ASPSCR1: variants seen among roughly 807,000 people sequenced by gnomAD.
ASPSCR1 encodes ASPSCR1 tether for SLC2A4, UBX domain containing.
A neutral mutation model predicts 68.9 loss-of-function variants in ASPSCR1; 55 were observed. The ratio of observed to expected loss-of-function variants is 0.80; its 90% CI spans 0.64 to 1.00. ASPSCR1 has a LOEUF of 1.00. Among genes scored for constraint, ASPSCR1 ranks in the 50% least tolerant of loss-of-function variants. The pLI, the probability that ASPSCR1 is intolerant of heterozygous loss-of-function variation, is 0.00. For missense variants in ASPSCR1, 765 were observed against 762.2 expected, an observed-to-expected ratio of 1.00 and a Z score of -0.04; for synonymous variants, 352 against 332.6, an observed-to-expected ratio of 1.06 and a Z score of -0.63.
chr17:81,989,510 A>G (rs1031102140), intron 4 of ASPSCR1, among the ~76,000 whole-genome samples: 2 of 152,050 alleles, frequency 1.3e-5, no homozygotes, highest in African/African-American at 4.8e-5. Flanking sequence ...TTCTTCTTTC[A>G]TGTGTTTCGG....
chr17:81,993,744 A>C (rs1023782220), intron 4 of ASPSCR1, among the ~76,000 whole-genome samples: 2 of 152,252 alleles, frequency 1.3e-5, no homozygotes, highest in African/African-American at 4.8e-5. Context: ...TGCTGCAAGC[A>C]GTTTCCAGCC....
chr17:82,008,953 C>G, intron 7 of ASPSCR1, 84 bp from the exon 8 acceptor site: 3 of 1,413,852 alleles, frequency 2.1e-6, no homozygotes, highest in Non-Finnish European at 2.8e-6. Flanking sequence ...GTCTGTGTGA[C>G]CACCTCGGCT....
At chr17:81,991,229 G>A (rs1053715578) in intron 4 of ASPSCR1, among the ~76,000 whole-genome samples, 10 of 152,300 alleles carry the variant, frequency 6.6e-5, no homozygotes, top group African/African-American at 1.2e-4. Context: ...CTGTGCTGGC[G>A]TGGGCACCCC....
At position 82,016,829 on chromosome 17, in the gene ASPSCR1, C is replaced by T; in HGVS notation, c.1435C>T (p.His479Tyr). The change falls in exon 14 of 16, where the codon CAT becomes TAT. Residue 479 changes from histidine to tyrosine, a missense_variant. Coordinates refer to ENST00000306739, the MANE Select transcript of ASPSCR1 (RefSeq NM_024083.4). ...GVYLEPGLLE[H>Y]AISPSAADVL... Reference sequence around the variant, plus strand: ...CTACCTGGAGCCTGGCCTGCTGGAGCATGCCATCTCCCCATCTGCGGCCGA... The same window carrying T: ...CTACCTGGAGCCTGGCCTGCTGGAGTATGCCATCTCCCCATCTGCGGCCGA... 1 of 1,611,500 alleles carries T rather than the reference C, an allele frequency of 6.2e-7. No individual in the cohort carries two copies.
rs774213125 is a variant in ASPSCR1, at chr17:82,010,821, T to G, written c.1190T>G (p.Phe397Cys). Residue 397 changes from phenylalanine (F) to cysteine (C), a missense_variant, in exon 10 of 16, where the codon TTC (phenylalanine) becomes TGC (cysteine). By Grantham distance (205) the Phe-to-Cys change is radical. Transcript: ENST00000306739. ...GCCTAGGTGGCTCTGAGGGTCCTGTTCCCCGACCGCTACGTCCTACAGGGC... is the reference window on the plus strand; with the variant it reads ...GCCTAGGTGGCTCTGAGGGTCCTGTGCCCCGACCGCTACGTCCTACAGGGC... Reference protein sequence around the residue: ...RYPKVALRVLFPDRYVLQGFF... With the variant: ...RYPKVALRVLCPDRYVLQGFF... 2 of 1,613,166 alleles carry G rather than the reference T, an allele frequency of 1.2e-6. No homozygotes were observed. The highest frequency in any genetic ancestry group is 1.7e-6 in the Non-Finnish European group (2 of 1,179,890).
chr17:81,985,085 TAC>T (rs2144007650), intron 3 of ASPSCR1, among the ~76,000 whole-genome samples: 1 of 96,514 alleles, frequency 1.0e-5, no homozygotes, highest in African/African-American at 4.0e-5. Context: ...CACACACACC[TAC>T]ACATCTGCGC....
rs138190996 is a variant in ASPSCR1, at chr17:81,979,578, C to T, written c.158+339C>T. Among the ~76,000 whole-genome samples the T allele has an allele frequency of 3.3e-4, 51 of 152,282 alleles. No homozygotes were observed. The East Asian group carries it at 7.7e-3, about 23-fold the overall frequency. On this transcript the variant is annotated intron_variant, in intron 2 of 15. Transcript: ENST00000306739. ...TAGGGTCCACTTGGATAATCTAGAA[C>T]GATTTATCATTACATCTTCAAAGAC...
At chr17:81,991,703 G>T (rs61124385) in intron 4 of ASPSCR1, among the ~76,000 whole-genome samples, 8,990 of 152,316 alleles carry the variant, frequency 0.059, 398 homozygotes, top group South Asian at 0.14. Flanking sequence ...GCCGCTTGGC[G>T]GCTGGGCTGT....
Position 82,016,803 on chromosome 17 carries a change from T to C in ASPSCR1, c.1409T>C (p.Val470Ala). 1.9e-6 allele frequency: 3 copies of C among 1,609,704 alleles called. No homozygotes were observed. Among genetic ancestry groups the C allele is most frequent in the Middle Eastern group, 1.8e-4 (1 of 5,596 alleles). Residue 470 changes from valine (V) to alanine (A), a missense_variant, in exon 14 of 16, where the codon GTC becomes GCC. Val to Ala is a moderately conservative substitution (Grantham distance 64). Transcript: ENST00000306739. ...GTGAGCTTGGGCCTCCCTGCAGGTG[T>C]CTACCTGGAGCCTGGCCTGCTGGAG... ...VHLGAEEPAGVYLEPGLLEHA... is the reference protein window; with the variant it reads ...VHLGAEEPAGAYLEPGLLEHA...
intron 7 of ASPSCR1, among the ~76,000 whole-genome samples, chr17:82,002,096 C>G (rs2042555434): frequency 7.0e-6 from 1 of 141,894 alleles, no homozygotes; most frequent in African/African-American, 2.6e-5. Context: ...CAGTCATGAC[C>G]TTCCATCTCA....
chr17:81,995,947 G>A, intron 5 of ASPSCR1, 45 bp from the exon 6 acceptor site: 1 of 1,586,172 alleles, frequency 6.3e-7, no homozygotes, highest in Non-Finnish European at 8.6e-7. Context: ...CTGGGCTCTG[G>A]GGTCCCGGTG....
At chr17:82,009,640 TGG>T in intron 9 of ASPSCR1, 73 bp downstream of exon 9, 1 of 317,566 alleles carries the variant, frequency 3.1e-6, no homozygotes, top group Non-Finnish European at 4.3e-6. Context: ...GTGGACGGGA[TGG>T]GGCGACTGAG....
At chr17:82,002,063 AG>A (rs1051332593) in intron 7 of ASPSCR1, among the ~76,000 whole-genome samples, 8 of 125,282 alleles carry the variant, frequency 6.4e-5, no homozygotes, top group African/African-American at 2.5e-4. Context: ...GCAGGAGTGC[AG>A]GGGCACAATT....
At chr17:81,985,407 G>A (rs976044483) in intron 3 of ASPSCR1, 100 bp from the exon 4 acceptor site, 10 of 1,262,862 alleles carry the variant, frequency 7.9e-6, no homozygotes, top group Admixed American at 1.9e-5. Flanking sequence ...AGGCCAGGGC[G>A]GGGCAGTCAC....
chr17:81,992,258 C>T (rs993788480), intron 4 of ASPSCR1, among the ~76,000 whole-genome samples: 4 of 152,156 alleles, frequency 2.6e-5, no homozygotes, highest in African/African-American at 9.7e-5. Flanking sequence ...GGAGTAGGGG[C>T]TGTGTCTCCT....
intron 12 of ASPSCR1, chr17:82,015,132 C>G (rs779251883): frequency 1.3e-6 from 2 of 1,598,286 alleles, no homozygotes; most frequent in South Asian, 1.1e-5. Flanking sequence ...GAAACGGTGC[C>G]TGGGACCAGA....
chr17:82,005,323 GGGC>G (rs770951802), intron 7 of ASPSCR1: 2 of 152,190 alleles, frequency 1.3e-5, no homozygotes, highest in Non-Finnish European at 2.9e-5. Flanking sequence ...GAGGCCTGCG[GGGC>G]AGTGGTCCCC....
intron 12 of ASPSCR1, chr17:82,016,173 C>T: frequency 2.5e-6 from 1 of 406,594 alleles, no homozygotes. Context: ...TCCTCGGGTG[C>T]AGAGGCCAGA....
chr17:82,012,030 A>C, intron 11 of ASPSCR1: 1 of 696,112 alleles, frequency 1.4e-6, no homozygotes, highest in South Asian at 1.6e-5. Context: ...TGTCCCCTGC[A>C]GGTGGGCCTG....
Sources: gnomAD v4.1 joint callset for allele counts (sites outside exome capture counted in the v4.1 genomes callset) on GRCh38, gnomAD v4.1.1 for gene constraint, MANE v1.5 for transcripts, NCBI Gene and HGNC (gene_info 2026-07-23, HGNC 2026-07-21) for gene names.